COL24A1: variants seen among roughly 807,000 people sequenced by gnomAD.
COL24A1 encodes the protein collagen type XXIV alpha 1 chain.
A neutral mutation model predicts 253.9 loss-of-function variants in COL24A1; 224 were observed. The observed-to-expected ratio is 0.88, with a 90% CI of 0.79 to 0.99. COL24A1 has a LOEUF of 0.99. Among genes scored for constraint, COL24A1 ranks in the 50% least tolerant of loss-of-function variants. COL24A1 has a pLI of 0.00. For missense variants in COL24A1, 2,131 were observed against 2,068.5 expected, an observed-to-expected ratio of 1.03 and a Z score of -0.59; for synonymous variants, 685 against 673.7, an observed-to-expected ratio of 1.02 and a Z score of -0.26.
chr1:86,065,284 G>T lies in COL24A1; in HGVS notation c.1708-1525C>A, dbSNP rs1209423718. Among the ~76,000 whole-genome samples, 3 of 151,942 alleles carry T rather than the reference G, an allele frequency of 2.0e-5. No homozygotes were observed. The East Asian group carries it at 5.8e-4, about 29-fold the overall frequency. ...CTAGCTACATGCTTGATTTTCTTTG[G>T]CCAACACCTGTTTTTCAGATCAGAG... On this transcript the variant is annotated intron_variant, in intron 7 of 59. Transcript: ENST00000370571.
chr1:85,889,446 A>G (rs1488816973), intron 32 of COL24A1, 114 bp downstream of exon 32: 1 of 861,880 alleles, frequency 1.2e-6, no homozygotes. Flanking sequence ...TATGGTGTCT[A>G]TGATAAATGC....
rs149624287 is a variant in COL24A1, at chr1:85,982,340, C to A, written c.2364+5261G>T. Among the ~76,000 whole-genome samples the A allele has an allele frequency of 7.9e-5, 12 of 152,146 alleles. No individual in the cohort carries two copies. The East Asian group carries it at 9.6e-4, about 12-fold the overall frequency. On this transcript the variant is annotated intron_variant, in intron 20 of 59. Coordinates refer to ENST00000370571, the MANE Select transcript of COL24A1 (RefSeq NM_152890.7). ...TGTAAAATGAGAAATGTCTACAGATCTGTTGTACAACAGTGTGCACACATT... is the reference window on the plus strand; with the variant it reads ...TGTAAAATGAGAAATGTCTACAGATATGTTGTACAACAGTGTGCACACATT...
chr1:86,124,551 T>A (rs1368294941), intron 3 of COL24A1, among the ~76,000 whole-genome samples: 1 of 151,956 alleles, frequency 6.6e-6, no homozygotes, highest in African/African-American at 2.4e-5. Flanking sequence ...GAAATCCTGA[T>A]TGAATTTCAA....
chr1:85,864,474 T>A (rs61785082), intron 37 of COL24A1, among the ~76,000 whole-genome samples: 3,156 of 152,128 alleles, frequency 0.021, 44 homozygotes, highest in Middle Eastern at 0.037. Flanking sequence ...CACACCAACA[T>A]GGCACATGTA....
At chr1:85,739,033 T>C (rs1392576419) in intron 57 of COL24A1, among the ~76,000 whole-genome samples, 1 of 152,160 alleles carries the variant, frequency 6.6e-6, no homozygotes, top group East Asian at 1.9e-4. Context: ...ACCACTGATA[T>C]ATTGAAATAC....
At position 85,924,042 on chromosome 1, in the gene COL24A1, C is replaced by T. The variant is rs548265935; in HGVS notation, c.2563-12609G>A. On this transcript the variant is annotated intron_variant, in intron 24 of 59. Transcript: ENST00000370571. ...TACCATCAGAGAATACTATAAACAC[C>T]TCTAGGCAAATAAACTAGAAAATCT... Among the ~76,000 whole-genome samples, 27 of 152,286 alleles carry T rather than the reference C, an allele frequency of 1.8e-4. No individual in the cohort carries two copies. The South Asian group carries it at 3.1e-3, about 18-fold the overall frequency.
chr1:85,765,566 A>C (rs1221282995), intron 53 of COL24A1, among the ~76,000 whole-genome samples: 3 of 148,166 alleles, frequency 2.0e-5, no homozygotes, highest in Admixed American at 6.7e-5. Context: ...TCATTAAATA[A>C]ATAAATAAAT....
chr1:85,960,583 T>C (rs1247848019), intron 24 of COL24A1, among the ~76,000 whole-genome samples: 2 of 152,114 alleles, frequency 1.3e-5, no homozygotes, highest in African/African-American at 2.4e-5. Context: ...TTTAATAAGC[T>C]TTTTAATAAT....
intron 57 of COL24A1, among the ~76,000 whole-genome samples, chr1:85,742,600 G>A (rs1037073435): frequency 1.3e-5 from 2 of 152,050 alleles, no homozygotes; most frequent in African/African-American, 4.8e-5. Flanking sequence ...TTACTTGAAT[G>A]TCTAAGAGAC....
chr1:85,853,753 C>T (rs1678088434), intron 37 of COL24A1, among the ~76,000 whole-genome samples: 1 of 152,094 alleles, frequency 6.6e-6, no homozygotes, highest in Non-Finnish European at 1.5e-5. Flanking sequence ...TACTTGATGG[C>T]CAAATGTATG....
At chr1:85,925,739 T>A (rs1352658901) in intron 24 of COL24A1, among the ~76,000 whole-genome samples, 1 of 152,056 alleles carries the variant, frequency 6.6e-6, no homozygotes, top group African/African-American at 2.4e-5. Context: ...AACCTAAGCA[T>A]TACCATCCAG....
intron 7 of COL24A1, among the ~76,000 whole-genome samples, chr1:86,079,552 T>C (rs926436421): frequency 6.6e-6 from 1 of 152,248 alleles, no homozygotes; most frequent in Admixed American, 6.6e-5. Context: ...GCAAACTACC[T>C]ATCTCATGAG....
intron 12 of COL24A1, among the ~76,000 whole-genome samples, chr1:86,040,886 A>T (rs1055274330): frequency 2.6e-5 from 4 of 152,176 alleles, no homozygotes; most frequent in African/African-American, 9.7e-5. Flanking sequence ...AAAACAAAAT[A>T]AAAAACACTG....
chr1:86,060,240 A>G (rs1463253528), intron 8 of COL24A1, among the ~76,000 whole-genome samples: 1 of 152,046 alleles, frequency 6.6e-6, no homozygotes, highest in Non-Finnish European at 1.5e-5. Flanking sequence ...TCCTTCATTT[A>G]CTCATCAGTT....
At chr1:85,967,738 A>G (rs1452721008) in intron 22 of COL24A1, among the ~76,000 whole-genome samples, 4 of 152,184 alleles carry the variant, frequency 2.6e-5, no homozygotes, top group Non-Finnish European at 5.9e-5. Flanking sequence ...CACGCAACCT[A>G]GATCCCTTGC....
At position 85,823,593 on chromosome 1, in the gene COL24A1, T is replaced by C. The variant is rs886538561; in HGVS notation, c.3736-4A>G. On this transcript the variant is annotated splice_polypyrimidine_tract_variant and splice_region_variant and intron_variant, in intron 44 of 59. Transcript: ENST00000370571. ...CACCCTGGTCACCTGGTTCGCCCTT[T>C]AGTAGAAACCAAAATAAAAATCACA... 1.9e-6 allele frequency: 3 copies of C among 1,614,012 alleles called. No homozygotes were observed. Among genetic ancestry groups the C allele is most frequent in the Non-Finnish European group, 2.5e-6 (3 of 1,179,936 alleles).
intron 53 of COL24A1, among the ~76,000 whole-genome samples, chr1:85,770,748 T>C (rs761809896): frequency 2.0e-5 from 3 of 152,150 alleles, no homozygotes; most frequent in Admixed American, 1.3e-4. Context: ...CATGGAAGAA[T>C]TGGCATCCTA....
intron 32 of COL24A1, 26 bp from the exon 33 acceptor site, chr1:85,877,201 T>C: frequency 6.4e-7 from 1 of 1,553,598 alleles, no homozygotes; most frequent in Non-Finnish European, 8.7e-7. Flanking sequence ...ATTTAAGATA[T>C]GAGAATAAAA....
intron 39 of COL24A1, 37 bp from the exon 40 acceptor site, chr1:85,842,430 G>A: frequency 7.9e-7 from 1 of 1,270,568 alleles, no homozygotes; most frequent in Non-Finnish European, 1.1e-6. Context: ...GAGAGAGAAA[G>A]TAAAGAATTG....
Sources: allele counts gnomAD v4.1 joint callset (sites outside exome capture counted in the v4.1 genomes callset), GRCh38; gene constraint gnomAD v4.1.1; transcripts MANE v1.5; gene names NCBI Gene and HGNC (gene_info 2026-07-23, HGNC 2026-07-21).